PIK3R6: variants seen among roughly 807,000 people sequenced by gnomAD.
PIK3R6 encodes phosphoinositide 3-kinase regulatory subunit 6.
A neutral mutation model predicts 84.9 loss-of-function variants in PIK3R6; 91 were observed. That is an observed-to-expected ratio of 1.07 (90% CI 0.90 to 1.28). The LOEUF (loss-of-function observed/expected upper bound fraction) is 1.28, where lower values mean the gene tolerates loss of function less well. PIK3R6 is among the 50% of genes most tolerant of loss of function. PIK3R6 has a pLI of 0.00. For missense variants in PIK3R6, 996 were observed against 985.1 expected, an observed-to-expected ratio of 1.01 and a Z score of -0.15; for synonymous variants, 416 against 411.4, an observed-to-expected ratio of 1.01 and a Z score of -0.13.
At chr17:8,837,716 G>C (rs377515582) in intron 5 of PIK3R6, 87 bp downstream of exon 5, 2 of 1,183,974 alleles carry the variant, frequency 1.7e-6, no homozygotes, top group African/African-American at 1.5e-5. Flanking sequence ...TCATCCTGGC[G>C]GAGACTGAGT....
intron 1 of PIK3R6, among the ~76,000 whole-genome samples, chr17:8,861,181 CA>C (rs35125812): frequency 0.32 from 30,632 of 95,568 alleles, 2,920 homozygotes; most frequent in Non-Finnish European, 0.36. Context: ...GACTCTGTCT[CA>C]AAAAAAAAAA....
intron 10 of PIK3R6, among the ~76,000 whole-genome samples, 189 bp downstream of exon 10, chr17:8,829,501 GACACACACTCATGCAT>G (rs1429140089): frequency 2.4e-5 from 3 of 123,112 alleles, no homozygotes; most frequent in African/African-American, 9.7e-5. Flanking sequence ...CACACACACT[GACACACACTCATGCAT>G]ACACACACAC....
chr17:8,828,793 G>A lies in PIK3R6; in HGVS notation c.1087C>T (p.Arg363Ter), dbSNP rs937785304. The stretch of plus-strand genomic sequence containing the variant: ...CCCCCTTTGCGCTGCAGCCCGGCTC[G>A]CTCCATCTCAGGGCTGCCGGGTGCA... ...LPAPGSPEME[R>*]AGLQRKGGIK... The change falls in exon 11 of 20, where the codon CGA becomes TGA. Residue 363 changes from arginine (R) to a stop codon, truncating the protein, a stop_gained. Coordinates refer to ENST00000619866, the MANE Select transcript of PIK3R6 (RefSeq NM_001010855.4). LOFTEE classifies it high-confidence loss of function. 18 of 1,586,828 alleles carry A rather than the reference G, an allele frequency of 1.1e-5. No individual in the cohort carries two copies. Among genetic ancestry groups the A allele is most frequent in the Non-Finnish European group, 1.5e-5 (17 of 1,164,564 alleles).
At chr17:8,866,801 C>T (rs147655231) in intron 1 of PIK3R6, among the ~76,000 whole-genome samples, 162 of 152,254 alleles carry the variant, frequency 1.1e-3, no homozygotes, top group Non-Finnish European at 2.0e-3. Flanking sequence ...CACCTCCTGG[C>T]TCGCTGAGGA....
chr17:8,828,318 T>C (rs1451408585), intron 11 of PIK3R6, 128 bp from the exon 12 acceptor site: 4 of 1,039,142 alleles, frequency 3.8e-6, no homozygotes, highest in Non-Finnish European at 5.8e-6. Context: ...TGCTTTCTCA[T>C]CTACAAAATG....
rs1386017899 is a variant in PIK3R6 at position 8,828,186 on chromosome 17, G to C, written c.1318C>G (p.Arg440Gly). 4 of 1,613,818 alleles carry C rather than the reference G, an allele frequency of 2.5e-6. No individual in the cohort carries two copies. Among genetic ancestry groups the C allele is most frequent in the Non-Finnish European group, 3.4e-6 (4 of 1,179,828 alleles). Residue 440 changes from arginine (R) to glycine (G), a missense_variant, in exon 12 of 20, where the codon CGG (arginine) becomes GGG (glycine). Physicochemically the swap from Arg to Gly is moderately radical, Grantham distance 125. Coordinates refer to ENST00000619866, the MANE Select transcript of PIK3R6 (RefSeq NM_001010855.4). ...GTGAGGCAGAACTTCTGGGTCTCCC[G>C]TTTCCTAGCAATGGGCAGCAAAGCA... is the stretch of plus-strand genomic sequence containing the variant. ...LAQAYHRLRK[R>G]ETQKFCLTPR...
chr17:8,838,424 C>T (rs186044884), intron 4 of PIK3R6, 140 bp downstream of exon 4: 145 of 647,066 alleles, frequency 2.2e-4, no homozygotes, highest in Middle Eastern at 7.6e-4. Context: ...CGTAAAAGTA[C>T]AGGAGGGAGA....
At chr17:8,840,198 T>TACAAATATATATATGAAATATATAC (rs1369195028) in intron 2 of PIK3R6, among the ~76,000 whole-genome samples, 3,661 of 105,168 alleles carry the variant, frequency 0.035, 718 homozygotes, top group Non-Finnish European at 0.037. Flanking sequence ...GAAATATATA[T>TACAAATATATATATGAAATATATAC]AGCCTCCAAA....
intron 1 of PIK3R6, among the ~76,000 whole-genome samples, chr17:8,851,353 G>T (rs1385046398): frequency 6.6e-6 from 1 of 151,980 alleles, no homozygotes; most frequent in South Asian, 2.1e-4. Flanking sequence ...AAAATTAGCC[G>T]GGCGTGGTGG....
At chr17:8,857,118 G>C (rs2089160490) in intron 1 of PIK3R6, among the ~76,000 whole-genome samples, 1 of 151,726 alleles carries the variant, frequency 6.6e-6, no homozygotes. Flanking sequence ...AGCACACTCT[G>C]ATTTTATTCA....
intron 18 of PIK3R6, among the ~76,000 whole-genome samples, chr17:8,809,171 A>T (rs1370926639): frequency 6.6e-6 from 1 of 152,206 alleles, no homozygotes; most frequent in South Asian, 2.1e-4. Flanking sequence ...AAAGAAAAAA[A>T]GATGCCAAGA....
chr17:8,823,749 G>A (rs2087822531), intron 13 of PIK3R6, among the ~76,000 whole-genome samples: 1 of 152,218 alleles, frequency 6.6e-6, no homozygotes, highest in African/African-American at 2.4e-5. Context: ...GCTGCTATGT[G>A]TGAGGCACTG....
chr17:8,829,226 G>T (rs543003865), intron 10 of PIK3R6, among the ~76,000 whole-genome samples: 20 of 143,776 alleles, frequency 1.4e-4, no homozygotes, highest in African/African-American at 5.4e-4. Context: ...CACACACACA[G>T]AGACACACTG....
Position 8,828,439 on chromosome 17 carries a change from C to A in PIK3R6, c.1313+128G>T, listed in dbSNP as rs566428797. The A allele has an allele frequency of 5.2e-5, 65 of 1,240,268 alleles. No individual in the cohort carries two copies. In the South Asian group the frequency reaches 8.4e-4, roughly 16 times the overall value. The allele number at this position is 1,240,268 out of a possible 1,614,324, so 76.8% of individuals were successfully genotyped here. On this transcript the variant is annotated intron_variant, in intron 11 of 19. Coordinates refer to ENST00000619866, the MANE Select transcript of PIK3R6 (RefSeq NM_001010855.4). ...GGCTGCGGGCACTGTGCGGCATCCT[C>A]CTCCGTCCCACCCTGGCCTCTGCCT...
At chr17:8,824,952 T>C (rs1482188940) in intron 13 of PIK3R6, among the ~76,000 whole-genome samples, 1 of 152,154 alleles carries the variant, frequency 6.6e-6, no homozygotes, top group East Asian at 1.9e-4. Context: ...AAAACAGATA[T>C]GTAAAAGTGG....
chr17:8,817,901 C>A (rs921632503), intron 18 of PIK3R6, among the ~76,000 whole-genome samples: 1 of 149,378 alleles, frequency 6.7e-6, no homozygotes, highest in African/African-American at 2.5e-5. Context: ...TGGGTCATGG[C>A]AGAGTTGTTT....
chr17:8,813,116 C>G (rs2087408833), intron 18 of PIK3R6, among the ~76,000 whole-genome samples: 1 of 152,088 alleles, frequency 6.6e-6, no homozygotes, highest in Non-Finnish European at 1.5e-5. Context: ...ATAAGCATCT[C>G]TATGCACACA....
At position 8,843,019 on chromosome 17, in the gene PIK3R6, C is replaced by A. The variant is rs537049465; in HGVS notation, c.14-3322G>T. Among the ~76,000 whole-genome samples the A allele has an allele frequency of 8.5e-5, 13 of 152,270 alleles. 1 individual carries two copies. The South Asian group carries it at 2.7e-3, about 32-fold the overall frequency. On this transcript the variant is annotated intron_variant, in intron 2 of 19. Transcript: ENST00000619866. ...ACGGGGTCCACATCCCTGAAGCCCC[C>A]ACTTGGCAAGGCCTGGTCCTGAATC... is the stretch of plus-strand genomic sequence containing the variant.
At chr17:8,817,902 A>G (rs930366671) in intron 18 of PIK3R6, among the ~76,000 whole-genome samples, 70 of 150,538 alleles carry the variant, frequency 4.6e-4, no homozygotes, top group African/African-American at 1.7e-3. Flanking sequence ...GGGTCATGGC[A>G]GAGTTGTTTT....
Sources: allele counts gnomAD v4.1 joint callset (sites outside exome capture counted in the v4.1 genomes callset), GRCh38; gene constraint gnomAD v4.1.1; transcripts MANE v1.5; gene names NCBI Gene and HGNC (gene_info 2026-07-23, HGNC 2026-07-21).